Variants in CYB5RL observed in about 807,000 individuals in gnomAD.
CYB5RL encodes cytochrome b5 reductase like, also known as NADH-cytochrome b5 reductase-like.
A neutral mutation model predicts 37.5 loss-of-function variants in CYB5RL; 38 were observed. That is an observed-to-expected ratio of 1.01 (90% CI 0.78 to 1.33). CYB5RL has a LOEUF of 1.33. Among genes scored for constraint, CYB5RL ranks in the 40% most tolerant of loss-of-function variants. The pLI is 0.00. For synonymous variants in CYB5RL, 141 were observed against 151.9 expected, an observed-to-expected ratio of 0.93 and a Z score of 0.53; for missense variants, 388 against 394.4, an observed-to-expected ratio of 0.98 and a Z score of 0.14.
At chr1:54,198,393 C>T (rs933288404) in intron 1 of CYB5RL, among the ~76,000 whole-genome samples, 4 of 146,990 alleles carry the variant, frequency 2.7e-5, no homozygotes, top group South Asian at 2.2e-4. Context: ...AGTGCAGTGG[C>T]GCAATCTCAG....
intron 5 of CYB5RL, among the ~76,000 whole-genome samples, chr1:54,186,660 A>G (rs1187079184): frequency 6.6e-6 from 1 of 151,612 alleles, no homozygotes; most frequent in Non-Finnish European, 1.5e-5. Flanking sequence ...GAAGCAGGCC[A>G]TTTGGAGAGG....
Position 54,195,710 on chromosome 1 carries a change from G to A in CYB5RL, c.-94C>T. ...CCACGGGCGCAGGCCCTGCTCCTTG[G>A]CCAGCCTGGGAGAGGGAAAACATGG... On this transcript the variant is annotated 5_prime_UTR_variant, in exon 3 of 8. Coordinates refer to ENST00000534324, the MANE Select transcript of CYB5RL (RefSeq NM_001031672.4). 5.7e-6 allele frequency: 8 copies of A among 1,402,820 alleles called. No individual in the cohort carries two copies. Among genetic ancestry groups the A allele is most frequent in the Non-Finnish European group, 7.7e-6 (8 of 1,042,322 alleles). The allele number at this position is 1,402,820 out of a possible 1,614,324, so 86.9% of individuals were successfully genotyped here.
chr1:54,172,493 A>C lies in CYB5RL; in HGVS notation c.*2126T>G, dbSNP rs1039643362. Reference sequence around the variant, plus strand: ...TCCGGCAACACTCTTAATATGAGTGACTTCAAAGCTTTTGAAGCCTCTATC... The same window carrying C: ...TCCGGCAACACTCTTAATATGAGTGCCTTCAAAGCTTTTGAAGCCTCTATC... On this transcript the variant is annotated 3_prime_UTR_variant, in exon 8 of 8. Transcript: ENST00000534324. The C allele has an allele frequency of 3.3e-5, 5 of 152,222 alleles. No homozygotes were observed. Among genetic ancestry groups the C allele is most frequent in the African/African-American group, 1.2e-4 (5 of 41,534 alleles). 9.4% of individuals were successfully genotyped at this position (152,222 alleles called of 1,614,324 possible).
In CYB5RL at chr1:54,174,424, G is replaced by A. The variant is rs956151271; in HGVS notation, c.*195C>T. 8 of 632,036 alleles carry A rather than the reference G, an allele frequency of 1.3e-5. No individual in the cohort carries two copies. The highest frequency in any genetic ancestry group is 1.9e-5 in the Non-Finnish European group (7 of 365,950). 39.2% of individuals were successfully genotyped at this position (632,036 alleles called of 1,614,324 possible). A position where few individuals can be genotyped will look rare whatever the true frequency, so the allele number is the denominator to read the frequency against. The stretch of plus-strand genomic sequence containing the variant: ...CCCATCCTCCTTCTACATAGTAGGA[G>A]GCCAGGAGGAGTGATTAACCTCATG... On this transcript the variant is annotated 3_prime_UTR_variant, in exon 8 of 8. Transcript: ENST00000534324.
At chr1:54,175,193 T>C (rs1286053654) in intron 7 of CYB5RL, among the ~76,000 whole-genome samples, 1 of 152,218 alleles carries the variant, frequency 6.6e-6, no homozygotes, top group Non-Finnish European at 1.5e-5. Flanking sequence ...TTTCCAAGGT[T>C]AGCTATCATC....
intron 6 of CYB5RL, chr1:54,180,152 G>A: frequency 2.4e-6 from 1 of 415,908 alleles, no homozygotes; most frequent in South Asian, 1.8e-5. Context: ...CAGAAGAATT[G>A]CTTGAGCCTG....
intron 4 of CYB5RL, 142 bp downstream of exon 4, chr1:54,190,606 C>T: frequency 2.9e-6 from 3 of 1,039,140 alleles, no homozygotes; most frequent in Non-Finnish European, 4.2e-6. Context: ...CCCAAGAACT[C>T]TCTGAGTCAT....
At chr1:54,198,709 G>A (rs1449716842) in intron 1 of CYB5RL, among the ~76,000 whole-genome samples, 1 of 143,314 alleles carries the variant, frequency 7.0e-6, no homozygotes, top group Non-Finnish European at 1.5e-5. Flanking sequence ...ACAGCTCACT[G>A]CAGACTCGAT....
chr1:54,195,677 CTA>C lies in CYB5RL; in HGVS notation c.-63_-62del. On this transcript the variant is annotated 5_prime_UTR_variant, in exon 3 of 8. An upstream open reading frame in the 5' UTR loses its in-frame stop. Transcript: ENST00000534324. ...GTGCTCTTCCAGAACAGGCCAGGCT[CTA>C]TGAGACCACGGGCGCAGGCCCTGCT... is the stretch of plus-strand genomic sequence containing the variant. The C allele has an allele frequency of 6.6e-7, 1 of 1,524,014 alleles. No homozygotes were observed. Among genetic ancestry groups the C allele is most frequent in the Non-Finnish European group, 8.8e-7 (1 of 1,130,172 alleles). The allele number at this position is 1,524,014 out of a possible 1,614,324, so 94.4% of individuals were successfully genotyped here.
At chr1:54,186,863 C>T (rs1287572006) in intron 5 of CYB5RL, among the ~76,000 whole-genome samples, 4 of 151,756 alleles carry the variant, frequency 2.6e-5, no homozygotes, top group Non-Finnish European at 4.4e-5. Flanking sequence ...GCCTTGGGAC[C>T]TCTGGGGGAC....
In CYB5RL at chr1:54,199,970, A is replaced by T; in HGVS notation, c.-223+6T>A. 1 of 488,956 alleles carries T rather than the reference A, an allele frequency of 2.0e-6. No homozygotes were observed. Among genetic ancestry groups the T allele is most frequent in the Non-Finnish European group, 3.6e-6 (1 of 276,662 alleles). The allele number at this position is 488,956 out of a possible 1,614,324, so 30.3% of individuals were successfully genotyped here. A position where few individuals can be genotyped will look rare whatever the true frequency, so the allele number is the denominator to read the frequency against. On this transcript the variant is annotated splice_donor_region_variant and intron_variant, in intron 1 of 7. Coordinates refer to ENST00000534324, the MANE Select transcript of CYB5RL (RefSeq NM_001031672.4). ...GAGCGATTCTCCACCCACCACGACC[A>T]CTCACCTACTCGCCTGCGCTTCACC...
At chr1:54,188,911 G>A (rs1462946968) in intron 4 of CYB5RL, among the ~76,000 whole-genome samples, 1 of 152,232 alleles carries the variant, frequency 6.6e-6, no homozygotes, top group African/African-American at 2.4e-5. Flanking sequence ...GAGGCTGGGC[G>A]TGGTGGCTCA....
At position 54,174,335 on chromosome 1, in the gene CYB5RL, G is replaced by T; in HGVS notation, c.*284C>A. 7.0e-6 allele frequency: 3 copies of T among 431,074 alleles called. No homozygotes were observed. The allele number at this position is 431,074 out of a possible 1,614,324, so 26.7% of individuals were successfully genotyped here. A position where few individuals can be genotyped will look rare whatever the true frequency, so the allele number is the denominator to read the frequency against. On this transcript the variant is annotated 3_prime_UTR_variant, in exon 8 of 8. Transcript: ENST00000534324. ...CCTCCTGGGGCTCAGCCTGGACTTG[G>T]CTTCCTCTGAAGAGTCCTCCCTGAC...
rs200001733 is a variant in CYB5RL, at chr1:54,184,267, T to A, written c.436-2A>T. 73 of 1,612,828 alleles carry A rather than the reference T, an allele frequency of 4.5e-5. No homozygotes were observed. Among genetic ancestry groups the A allele is most frequent in the Non-Finnish European group, 5.6e-5 (66 of 1,179,442 alleles). Reference sequence around the variant, plus strand: ...GGACATCAGCCCCATCTGGTAGCACTGGAAGCAAACACAGGGAGACGTCAG... The same window carrying A: ...GGACATCAGCCCCATCTGGTAGCACAGGAAGCAAACACAGGGAGACGTCAG... On this transcript the variant is annotated splice_acceptor_variant, in intron 5 of 7. Transcript: ENST00000534324. LOFTEE classifies it high-confidence loss of function.
At chr1:54,189,837 C>A (rs1315605842) in intron 4 of CYB5RL, among the ~76,000 whole-genome samples, 1 of 152,164 alleles carries the variant, frequency 6.6e-6, no homozygotes, top group Non-Finnish European at 1.5e-5. Flanking sequence ...AAGCAAGTGG[C>A]CAGAGTCTGA....
intron 5 of CYB5RL, among the ~76,000 whole-genome samples, chr1:54,187,233 C>T (rs1444165745): frequency 6.6e-6 from 1 of 152,182 alleles, no homozygotes; most frequent in African/African-American, 2.4e-5. Context: ...ACCCTCTCCT[C>T]CTGGCTCTCA....
chr1:54,189,984 A>G (rs1643935033), intron 4 of CYB5RL, among the ~76,000 whole-genome samples: 1 of 152,060 alleles, frequency 6.6e-6, no homozygotes, highest in South Asian at 2.1e-4. Flanking sequence ...TTCTCTTTCC[A>G]TGCACACATT....
intron 1 of CYB5RL, among the ~76,000 whole-genome samples, chr1:54,196,884 C>T (rs2100488898): frequency 6.6e-6 from 1 of 152,288 alleles, no homozygotes; most frequent in South Asian, 2.1e-4. Flanking sequence ...AGACCTGCAG[C>T]TTCAGGCAGA....
At position 54,171,000 on chromosome 1, in the gene CYB5RL, C is replaced by A. The variant is rs1170747857; in HGVS notation, c.*3619G>T. 5.2e-6 allele frequency: 2 copies of A among 383,380 alleles called. No homozygotes were observed. Among genetic ancestry groups the A allele is most frequent in the African/African-American group, 4.2e-5 (2 of 48,066 alleles). The allele number at this position is 383,380 out of a possible 1,614,324, so 23.7% of individuals were successfully genotyped here. On this transcript the variant is annotated 3_prime_UTR_variant, in exon 8 of 8. Transcript: ENST00000534324. ...CATCCAGGAAGTGCTGAGCATCCTC[C>A]CCTGTTAGGGGTACAATGGGCCGGC...
Sources: gnomAD v4.1 joint callset for allele counts (sites outside exome capture counted in the v4.1 genomes callset) on GRCh38, gnomAD v4.1.1 for gene constraint, MANE v1.5 for transcripts, NCBI Gene and HGNC (gene_info 2026-07-23, HGNC 2026-07-21) for gene names.